The following MYO9B variants were observed in gnomAD, a reference collection of about 807,000 sequenced individuals.
MYO9B encodes myosin IXB.
In MYO9B, 71 loss-of-function variants were observed where a neutral mutation model predicts 229.5. That is an observed-to-expected ratio of 0.31 (90% CI 0.26 to 0.38). The LOEUF (loss-of-function observed/expected upper bound fraction) is 0.38. MYO9B is among the 10% of genes least tolerant of loss of function. The pLI, the probability that MYO9B is intolerant of heterozygous loss-of-function variation, is 1.00. For missense variants in MYO9B, 2,255 were observed against 2,920.5 expected (o/e 0.77, Z 5.25); for synonymous variants, 1,185 against 1,235.8 (o/e 0.96, Z 0.86).
chr19:17,181,978 T>C (rs1164417402), intron 15 of MYO9B, among the ~76,000 whole-genome samples: 1 of 152,116 alleles, frequency 6.6e-6, no homozygotes, highest in Non-Finnish European at 1.5e-5. Context: ...GGTTTCACCA[T>C]GTTGGCCAGG....
intron 2 of MYO9B, among the ~76,000 whole-genome samples, chr19:17,135,519 G>C (rs918849584): frequency 6.6e-6 from 1 of 152,128 alleles, no homozygotes; most frequent in Admixed American, 6.6e-5. Flanking sequence ...GCCCAGCCAA[G>C]CAGCAACACA....
intron 1 of MYO9B, among the ~76,000 whole-genome samples, chr19:17,085,531 G>A (rs1380300886): frequency 6.6e-6 from 1 of 152,076 alleles, no homozygotes; most frequent in Non-Finnish European, 1.5e-5. Flanking sequence ...TTAAGGTGAT[G>A]TAAATGTTCT....
chr19:17,129,375 T>G (rs2072165989), intron 2 of MYO9B, among the ~76,000 whole-genome samples: 1 of 152,104 alleles, frequency 6.6e-6, no homozygotes, highest in South Asian at 2.1e-4. Context: ...GCACTCCAGC[T>G]TGGGCGACAG....
intron 2 of MYO9B, among the ~76,000 whole-genome samples, chr19:17,109,308 G>A (rs1395451988): frequency 2.6e-5 from 4 of 151,728 alleles, no homozygotes; most frequent in African/African-American, 4.8e-5. Flanking sequence ...CTCGTGGTCC[G>A]CCCACCTCAG....
intron 19 of MYO9B, among the ~76,000 whole-genome samples, chr19:17,189,343 A>C (rs2072954978): frequency 6.6e-6 from 1 of 151,974 alleles, no homozygotes; most frequent in African/African-American, 2.4e-5. Context: ...AAACAAAACA[A>C]AACAAAACTA....
At chr19:17,160,735 T>C (rs2072591073) in intron 8 of MYO9B, among the ~76,000 whole-genome samples, 1 of 152,100 alleles carries the variant, frequency 6.6e-6, no homozygotes, top group Admixed American at 6.6e-5. Flanking sequence ...GTTTCGCTCC[T>C]GTTGCCCAGG....
At chr19:17,123,267 T>G (rs2057981925) in intron 2 of MYO9B, among the ~76,000 whole-genome samples, 1 of 152,138 alleles carries the variant, frequency 6.6e-6, no homozygotes. Flanking sequence ...AAACGGGAGA[T>G]AGCAGAGCTG....
chr19:17,099,743 G>A (rs962677044), intron 1 of MYO9B, among the ~76,000 whole-genome samples: 5 of 149,486 alleles, frequency 3.3e-5, no homozygotes, highest in Admixed American at 2.7e-4. Flanking sequence ...GCGTGAACCC[G>A]GGAGGCGGAG....
intron 22 of MYO9B, among the ~76,000 whole-genome samples, chr19:17,196,011 C>T (rs1456975622): frequency 2.6e-5 from 4 of 151,676 alleles, no homozygotes; most frequent in Non-Finnish European, 5.9e-5. Context: ...TCATTCTCTG[C>T]GGTGGGGGCT....
intron 6 of MYO9B, among the ~76,000 whole-genome samples, chr19:17,154,730 G>C (rs2072518919): frequency 6.6e-6 from 1 of 152,202 alleles, no homozygotes; most frequent in Non-Finnish European, 1.5e-5. Context: ...GGGAGGCCAA[G>C]GTGGAGGATT....
chr19:17,089,287 C>G (rs1204729618), intron 1 of MYO9B, among the ~76,000 whole-genome samples: 1 of 151,892 alleles, frequency 6.6e-6, no homozygotes, highest in Non-Finnish European at 1.5e-5. Flanking sequence ...AAAAAAAAAT[C>G]CTCAACAGGA....
chr19:17,203,026 C>T, intron 29 of MYO9B, 121 bp from the exon 30 acceptor site: 1 of 1,353,678 alleles, frequency 7.4e-7, no homozygotes, highest in Admixed American at 2.0e-5. Flanking sequence ...TTTCCCCCGG[C>T]ATATACGGAG....
Position 17,212,130 on chromosome 19 carries a change from G to A in MYO9B, c.6294G>A (p.Glu2098=). 1 of 1,589,832 alleles carries A rather than the reference G, an allele frequency of 6.3e-7. No homozygotes were observed. Among genetic ancestry groups the A allele is most frequent in the South Asian group, 1.1e-5 (1 of 88,584 alleles). Residue 2098 remains glutamate (E), a synonymous_variant, in exon 40 of 40, where the codon GAG becomes GAA. Coordinates refer to ENST00000682292, the MANE Select transcript of MYO9B (RefSeq NM_004145.4). The surrounding 1 kb of genome is among the most constrained non-coding windows in gnomAD (Gnocchi z 5.4). The part of the protein sequence containing the change: ...REAAAPVRRR[E]PPARRPDQIH... ...CGGCTGCCCCAGTGCGGCGCCGGGA[G>A]CCACCTGCCCGCCGCCCGGACCAGA...
intron 26 of MYO9B, 144 bp from the exon 27 acceptor site, chr19:17,201,782 C>T: frequency 1.6e-6 from 1 of 640,048 alleles, no homozygotes; most frequent in Non-Finnish European, 2.7e-6. Flanking sequence ...GATGAGAGAC[C>T]AGGCTTGGCC....
chr19:17,207,093 A>G lies in MYO9B; in HGVS notation c.5493-20A>G. ...CCTCCCTCGGCCCTAGCCATCCTCT[A>G]ACTGCCAGTGGCTGTGCAGGGTGGC... On this transcript the variant is annotated intron_variant, in intron 34 of 39. Transcript: ENST00000682292. 6.2e-7 allele frequency: 1 copy of G among 1,610,368 alleles called. No homozygotes were observed. The highest frequency in any genetic ancestry group is 8.5e-7 in the Non-Finnish European group (1 of 1,178,946).
intron 1 of MYO9B, among the ~76,000 whole-genome samples, chr19:17,096,706 G>T (rs201466388): frequency 0.028 from 609 of 21,378 alleles, 9 homozygotes; most frequent in South Asian, 0.12. Flanking sequence ...GTTGTTGTTG[G>T]TTTTTTTTTT....
At chr19:17,090,339 C>T (rs976776369) in intron 1 of MYO9B, among the ~76,000 whole-genome samples, 5 of 151,770 alleles carry the variant, frequency 3.3e-5, no homozygotes, top group African/African-American at 7.3e-5. Flanking sequence ...TCTGTAGAGA[C>T]GAGGTTTCGC....
chr19:17,201,867 C>T (rs2073109571), intron 26 of MYO9B, 59 bp from the exon 27 acceptor site: 1 of 1,340,400 alleles, frequency 7.5e-7, no homozygotes, highest in African/African-American at 1.4e-5. Context: ...TGGGCACCTC[C>T]TCGGGTACGC....
intron 2 of MYO9B, among the ~76,000 whole-genome samples, chr19:17,123,336 C>T (rs1568674121): frequency 6.6e-6 from 1 of 151,916 alleles, no homozygotes. Flanking sequence ...GGTTATGATG[C>T]CAAAAGCCTC....
Sources: gnomAD v4.1 joint callset for allele counts (sites outside exome capture counted in the v4.1 genomes callset) on GRCh38, gnomAD v4.1.1 for gene constraint, Gnocchi (gnomAD v3.1) non-coding constraint, MANE v1.5 for transcripts, NCBI Gene and HGNC (gene_info 2026-07-23, HGNC 2026-07-21) for gene names.